Variants in RIMS2 observed in about 807,000 individuals in gnomAD.
RIMS2 encodes regulating synaptic membrane exocytosis protein 2.
In RIMS2, 59 loss-of-function variants were observed where a neutral mutation model predicts 174.4. The ratio of observed to expected loss-of-function variants is 0.34; its 90% confidence interval spans 0.27 to 0.42. RIMS2 has a LOEUF of 0.42. Among genes scored for constraint, RIMS2 ranks in the 10% least tolerant of loss-of-function variants. RIMS2 has a pLI of 1.00. For missense variants in RIMS2, 1,620 were observed against 1,666.3 expected (o/e 0.97, Z 0.48); for synonymous variants, 606 against 572.5 (o/e 1.06, Z -0.84).
chr8:103,857,073 A>G (rs2099031956), intron 3 of RIMS2, among the ~76,000 whole-genome samples: 1 of 152,130 alleles, frequency 6.6e-6, no homozygotes, highest in Admixed American at 6.6e-5. Context: ...TCCCCTACAA[A>G]TCTGCAACCT....
At chr8:103,964,840 T>A (rs1239745521) in intron 15 of RIMS2, among the ~76,000 whole-genome samples, 1 of 152,054 alleles carries the variant, frequency 6.6e-6, no homozygotes, top group East Asian at 1.9e-4. Flanking sequence ...AAGAGTGTAA[T>A]GTCTGTGTCT....
intron 21 of RIMS2, 142 bp from the exon 28 acceptor site, chr8:104,249,342 ATAT>A (rs1453516751): frequency 5.6e-6 from 3 of 538,468 alleles, no homozygotes; most frequent in Non-Finnish European, 9.9e-6. Flanking sequence ...TTAAAGGAAG[ATAT>A]TATTGATAGA....
Position 104,229,963 on chromosome 8 carries a change from G to A in RIMS2, c.3335-14953G>A, listed in dbSNP as rs566032880. On this transcript the variant is annotated intron_variant, in intron 19 of 23. Transcript: ENST00000504942. The stretch of plus-strand genomic sequence containing the variant: ...TTTTGTCTGGATCACCAAGAACAAA[G>A]GATTTGAAGTACCATTTTTTAAAAT... Among the ~76,000 whole-genome samples the A allele has an allele frequency of 1.4e-4, 21 of 152,306 alleles. No individual in the cohort carries two copies. In the East Asian group the frequency reaches 2.5e-3, roughly 18 times the overall value.
At chr8:103,613,781 G>A (rs2095441929) in intron 1 of RIMS2, among the ~76,000 whole-genome samples, 1 of 152,122 alleles carries the variant, frequency 6.6e-6, no homozygotes, top group Admixed American at 6.5e-5. Flanking sequence ...GCTAGTACTG[G>A]ATTCTTCCTT....
rs112337918 is a variant in RIMS2 at position 103,728,748 on chromosome 8, C to T, written c.387+31452C>T. On this transcript the variant is annotated intron_variant, in intron 2 of 23. Transcript: ENST00000504942. ...TTTATTTTGTTGAGGTATGCTCCTT[C>T]TTTTTTTTTTTTTTTTTTTAGGATT... Among the ~76,000 whole-genome samples the T allele has an allele frequency of 5.9e-3, 549 of 92,542 alleles. 7 individuals carry two copies. The highest frequency in any genetic ancestry group is 0.023 in the African/African-American group (486 of 21,000). The allele number at this position is 92,542 out of a possible 152,430, so 60.7% of individuals were successfully genotyped here.
At chr8:103,823,383 C>T (rs1359833903) in intron 3 of RIMS2, among the ~76,000 whole-genome samples, 2 of 151,608 alleles carry the variant, frequency 1.3e-5, no homozygotes, top group African/African-American at 2.4e-5. Context: ...TGGAGTACTC[C>T]CAGTTTATGC....
intron 19 of RIMS2, among the ~76,000 whole-genome samples, chr8:104,198,082 T>A (rs946243339): frequency 1.3e-5 from 2 of 152,172 alleles, no homozygotes; most frequent in Non-Finnish European, 2.9e-5. Flanking sequence ...TCAAAATCAA[T>A]AATCCTTTTA....
At chr8:104,111,750 C>T (rs374009667) in intron 19 of RIMS2, among the ~76,000 whole-genome samples, 9 of 152,138 alleles carry the variant, frequency 5.9e-5, no homozygotes, top group Non-Finnish European at 1.2e-4. Flanking sequence ...TCCAACAATA[C>T]GTTGGCTTGG....
At chr8:103,907,641 T>C (rs1343336061) in intron 4 of RIMS2, among the ~76,000 whole-genome samples, 1 of 152,060 alleles carries the variant, frequency 6.6e-6, no homozygotes, top group Non-Finnish European at 1.5e-5. Context: ...TACCCTCTAT[T>C]TCTAAATGAT....
chr8:104,185,026 C>T (rs923402046), intron 19 of RIMS2, among the ~76,000 whole-genome samples: 4 of 151,182 alleles, frequency 2.6e-5, no homozygotes, highest in Non-Finnish European at 5.9e-5. Flanking sequence ...TTATGACTGG[C>T]GGGTTATAAA....
At chr8:103,795,930 T>C (rs1358572137) in intron 3 of RIMS2, among the ~76,000 whole-genome samples, 1 of 152,230 alleles carries the variant, frequency 6.6e-6, no homozygotes, top group African/African-American at 2.4e-5. Flanking sequence ...TGTAAGTATA[T>C]ACTTCCTCCG....
intron 2 of RIMS2, among the ~76,000 whole-genome samples, chr8:103,726,724 A>G (rs1257623934): frequency 2.7e-5 from 4 of 147,674 alleles, no homozygotes; most frequent in African/African-American, 9.8e-5. Context: ...TTTTATTTAT[A>G]TTAATTATAT....
chr8:103,947,130 A>G (rs929792617), intron 14 of RIMS2, among the ~76,000 whole-genome samples: 2 of 152,240 alleles, frequency 1.3e-5, no homozygotes, highest in Non-Finnish European at 2.9e-5. Flanking sequence ...CAGCTGTAAG[A>G]GTTAAGACTA....
At chr8:104,018,951 A>G (rs1168946120) in intron 19 of RIMS2, among the ~76,000 whole-genome samples, 3 of 152,162 alleles carry the variant, frequency 2.0e-5, no homozygotes, top group Non-Finnish European at 4.4e-5. Flanking sequence ...TTATGTTTAT[A>G]TACCATAATG....
intron 19 of RIMS2, among the ~76,000 whole-genome samples, chr8:104,146,870 A>G (rs544944380): frequency 1.3e-5 from 2 of 151,884 alleles, no homozygotes; most frequent in East Asian, 3.9e-4. Context: ...CTAATTTTTT[A>G]CTTTTTTGTA....
At chr8:103,948,411 G>A (rs536482501) in intron 14 of RIMS2, among the ~76,000 whole-genome samples, 53 of 152,310 alleles carry the variant, frequency 3.5e-4, no homozygotes, top group Middle Eastern at 6.8e-3. Flanking sequence ...TGATTAAAAG[G>A]TAGAAATAGT....
intron 2 of RIMS2, among the ~76,000 whole-genome samples, chr8:103,700,513 AATTT>A (rs758875411): frequency 6.6e-6 from 1 of 151,674 alleles, no homozygotes; most frequent in Non-Finnish European, 1.5e-5. Flanking sequence ...TTTTACTTAA[AATTT>A]ATTTGTTTGA....
At chr8:103,502,369 C>T (rs1358278560) in intron 1 of RIMS2, among the ~76,000 whole-genome samples, 1 of 152,092 alleles carries the variant, frequency 6.6e-6, no homozygotes, top group East Asian at 1.9e-4. Flanking sequence ...TAGTAGCAAA[C>T]ATCAAATATT....
chr8:104,203,591 C>T (rs1027250698), intron 19 of RIMS2, among the ~76,000 whole-genome samples: 11 of 149,722 alleles, frequency 7.3e-5, no homozygotes, highest in Admixed American at 6.7e-5. Flanking sequence ...GCAACTTCCG[C>T]CTCTTGGGTT....
Sources: gnomAD v4.1 joint callset for allele counts (sites outside exome capture counted in the v4.1 genomes callset) on GRCh38, gnomAD v4.1.1 for gene constraint, MANE v1.5 for transcripts, NCBI Gene and HGNC (gene_info 2026-07-23, HGNC 2026-07-21) for gene names.